The following CAP2 variants were observed in gnomAD, a reference collection of about 807,000 sequenced individuals.
CAP2 encodes the protein adenylyl cyclase-associated protein 2.
A neutral mutation model predicts 57.7 loss-of-function variants in CAP2; 24 were observed. The observed-to-expected ratio is 0.42, with a 90% CI of 0.30 to 0.58. The LOEUF is 0.58. Among genes scored for constraint, CAP2 ranks in the 20% least tolerant of loss-of-function variants. CAP2 has a pLI of 0.22. For missense variants in CAP2, 501 were observed against 590.3 expected (o/e 0.85, Z 1.57); for synonymous variants, 194 against 207.2 (o/e 0.94, Z 0.55).
At chr6:17,419,685 G>A (rs949722914) in intron 1 of CAP2, among the ~76,000 whole-genome samples, 22 of 151,240 alleles carry the variant, frequency 1.5e-4, no homozygotes, top group African/African-American at 4.6e-4. Flanking sequence ...CTGCCCCCTC[G>A]CCATTTTTTT....
At chr6:17,408,964 C>G (rs1177375227) in intron 1 of CAP2, among the ~76,000 whole-genome samples, 2 of 151,706 alleles carry the variant, frequency 1.3e-5, no homozygotes, top group East Asian at 4.0e-4. Context: ...CAACCACGCT[C>G]AGCCCTATGA....
chr6:17,473,454 G>T (rs1376858462), intron 4 of CAP2, among the ~76,000 whole-genome samples: 1 of 152,194 alleles, frequency 6.6e-6, no homozygotes, highest in African/African-American at 2.4e-5. Flanking sequence ...TGTAAGAGTT[G>T]CAAGTTTTTC....
chr6:17,432,575 C>G (rs1179205817), intron 3 of CAP2, among the ~76,000 whole-genome samples: 1 of 152,210 alleles, frequency 6.6e-6, no homozygotes, highest in Non-Finnish European at 1.5e-5. Context: ...AAATGACTTG[C>G]ATCAAGAATT....
chr6:17,481,794 A>G (rs1010513482), intron 4 of CAP2, among the ~76,000 whole-genome samples: 2 of 152,212 alleles, frequency 1.3e-5, no homozygotes, highest in African/African-American at 2.4e-5. Flanking sequence ...TGGCCTTGTC[A>G]TAGCTTTTCC....
At chr6:17,530,021 T>C (rs993960121) in intron 7 of CAP2, among the ~76,000 whole-genome samples, 40 of 152,070 alleles carry the variant, frequency 2.6e-4, no homozygotes, top group Non-Finnish European at 4.4e-5. Context: ...TGTTAGTCTC[T>C]ATAGTTGTAG....
chr6:17,461,218 C>CT (rs35423332), intron 3 of CAP2, among the ~76,000 whole-genome samples: 35 of 148,034 alleles, frequency 2.4e-4, no homozygotes, highest in Admixed American at 3.3e-4. Context: ...TCTTTGAAAC[C>CT]TTTTTTTTTT....
At chr6:17,535,618 C>T (rs1004105231) in intron 7 of CAP2, among the ~76,000 whole-genome samples, 3 of 150,808 alleles carry the variant, frequency 2.0e-5, no homozygotes, top group African/African-American at 7.3e-5. Context: ...AAAGATTTCC[C>T]TGAAGAAGGC....
At chr6:17,464,907 TAGA>T (rs755630506) in intron 4 of CAP2, among the ~76,000 whole-genome samples, 8 of 152,200 alleles carry the variant, frequency 5.3e-5, no homozygotes, top group Non-Finnish European at 1.0e-4. Flanking sequence ...GATTCTCAGG[TAGA>T]AGAAGAACTG....
chr6:17,484,295 T>C (rs929748240), intron 4 of CAP2, among the ~76,000 whole-genome samples: 1 of 152,046 alleles, frequency 6.6e-6, no homozygotes, highest in African/African-American at 2.4e-5. Context: ...TGCGTCTGTG[T>C]ATTCAGTGCT....
intron 9 of CAP2, among the ~76,000 whole-genome samples, chr6:17,541,528 C>T (rs973467030): frequency 4.0e-5 from 6 of 151,724 alleles, no homozygotes; most frequent in South Asian, 2.1e-4. Context: ...TGCAGCGAGC[C>T]GAGATCACGC....
In CAP2 at chr6:17,497,052, A is replaced by G. The variant is rs767134537; in HGVS notation, c.301-10117A>G. ...AACCTATCAGCGTGGTATTTGGCATATAGTCAATGCACATCAAATGTTGAC... is the reference window on the plus strand; with the variant it reads ...AACCTATCAGCGTGGTATTTGGCATGTAGTCAATGCACATCAAATGTTGAC... On this transcript the variant is annotated intron_variant, in intron 4 of 12. Transcript: ENST00000229922. 2.0e-4 allele frequency among the ~76,000 whole-genome samples: 30 copies of G among 152,268 alleles called. 1 individual carries two copies. The highest frequency in any genetic ancestry group is 2.1e-4 in the South Asian group (1 of 4,838).
chr6:17,395,844 A>T (rs2113491172), intron 1 of CAP2, among the ~76,000 whole-genome samples: 1 of 152,318 alleles, frequency 6.6e-6, no homozygotes, highest in Non-Finnish European at 1.5e-5. Flanking sequence ...AGGGCTTAAG[A>T]ACTAGATAGT....
At chr6:17,534,793 G>A (rs1049032946) in intron 7 of CAP2, among the ~76,000 whole-genome samples, 5 of 152,150 alleles carry the variant, frequency 3.3e-5, no homozygotes, top group African/African-American at 1.2e-4. Context: ...TGCCATGAGA[G>A]TCTAACTTTA....
chr6:17,542,887 A>T lies in CAP2; in HGVS notation c.1053A>T (p.Lys351Asn), dbSNP rs190478527. ...TTGTGATTTCAGAGACTGAGCTGAA[A>T]CAAGTGGCTTACATTTTCAAATGCG... is the stretch of plus-strand genomic sequence containing the variant. The part of the protein sequence containing the change: ...NDLVISETEL[K>N]QVAYIFKCEK... Residue 351 changes from lysine to asparagine, a missense_variant, in exon 10 of 13, where the codon AAA (lysine) becomes AAT (asparagine). Coordinates refer to ENST00000229922, the MANE Select transcript of CAP2 (RefSeq NM_006366.3). 3 of 1,613,202 alleles carry T rather than the reference A, an allele frequency of 1.9e-6. No individual in the cohort carries two copies. The Admixed American group carries it at 5.0e-5, about 27-fold the overall frequency.
chr6:17,514,043 T>C, intron 7 of CAP2, 89 bp downstream of exon 7: 1 of 826,626 alleles, frequency 1.2e-6, no homozygotes, highest in South Asian at 1.5e-5. Flanking sequence ...CCTTAAAACT[T>C]ACCTCAAGGA....
At chr6:17,439,148 A>G (rs1759996123) in intron 3 of CAP2, among the ~76,000 whole-genome samples, 1 of 151,294 alleles carries the variant, frequency 6.6e-6, no homozygotes, top group South Asian at 2.1e-4. Context: ...AGAGAGAGAA[A>G]AAAAAGGCTT....
At chr6:17,496,734 G>A (rs529674452) in intron 4 of CAP2, among the ~76,000 whole-genome samples, 29 of 152,264 alleles carry the variant, frequency 1.9e-4, no homozygotes, top group African/African-American at 4.6e-4. Context: ...TCAGTGGCTC[G>A]GTACAATAAT....
chr6:17,529,659 T>A (rs1468398724), intron 7 of CAP2, among the ~76,000 whole-genome samples: 19 of 130,570 alleles, frequency 1.5e-4, no homozygotes, highest in African/African-American at 2.3e-4. Flanking sequence ...AAAATATATA[T>A]ATATATATAT....
intron 7 of CAP2, among the ~76,000 whole-genome samples, chr6:17,538,125 A>G (rs952962848): frequency 2.6e-5 from 4 of 152,016 alleles, no homozygotes; most frequent in African/African-American, 9.7e-5. Flanking sequence ...GTGTGTTTCT[A>G]TCCTACCAGT....
Sources: allele counts gnomAD v4.1 joint callset (sites outside exome capture counted in the v4.1 genomes callset), GRCh38; gene constraint gnomAD v4.1.1; transcripts MANE v1.5; gene names NCBI Gene and HGNC (gene_info 2026-07-23, HGNC 2026-07-21).